Variants in DOCK9 observed in about 807,000 individuals in gnomAD.
DOCK9 encodes the protein dedicator of cytokinesis protein 9.
In DOCK9, 89 loss-of-function variants were observed where a neutral mutation model predicts 263.3. The observed-to-expected ratio is 0.34, with a 90% CI of 0.28 to 0.40. The LOEUF (loss-of-function observed/expected upper bound fraction) is 0.40. Among genes scored for constraint, DOCK9 ranks in the 10% least tolerant of loss-of-function variants. The pLI, the probability that DOCK9 is intolerant of heterozygous loss-of-function variation, is 1.00. For missense variants in DOCK9, 2,140 were observed against 2,603.4 expected (o/e 0.82, Z 3.87); for synonymous variants, 976 against 973.1 (o/e 1.00, Z -0.06).
At chr13:98,997,268 C>T (rs1881271878) in intron 1 of DOCK9, among the ~76,000 whole-genome samples, 1 of 152,208 alleles carries the variant, frequency 6.6e-6, no homozygotes, top group African/African-American at 2.4e-5. Flanking sequence ...CTGTGGATCA[C>T]CTCACTTTCC....
At chr13:98,830,080 G>C (rs2092700133) in intron 41 of DOCK9, among the ~76,000 whole-genome samples, 1 of 152,190 alleles carries the variant, frequency 6.6e-6, no homozygotes, top group Non-Finnish European at 1.5e-5. Context: ...AACCAAGAGG[G>C]AGACATGATT....
At position 98,825,729 on chromosome 13, in the gene DOCK9, C is replaced by T; in HGVS notation, c.5023+1101G>A. 1 of 522,338 alleles carries T rather than the reference C, an allele frequency of 1.9e-6. No individual in the cohort carries two copies. The highest frequency in any genetic ancestry group is 3.2e-6 in the Non-Finnish European group (1 of 312,472). The allele number at this position is 522,338 out of a possible 1,614,324, so 32.4% of individuals were successfully genotyped here. The stretch of plus-strand genomic sequence containing the variant: ...TTCCTCTTGTGCCCACAGGAATAGA[C>T]CAGCCAACCAGAGAGCCACAGAGTA... On this transcript the variant is annotated intron_variant, in intron 44 of 52. Transcript: ENST00000682017. This position sits in a 1 kb window ranked among gnomAD's most constrained non-coding sequence, Gnocchi z 4.1.
At chr13:98,951,649 A>T (rs2057424116) in intron 2 of DOCK9, among the ~76,000 whole-genome samples, 2 of 152,200 alleles carry the variant, frequency 1.3e-5, no homozygotes, top group Non-Finnish European at 2.9e-5. Context: ...GTGGGGGGAA[A>T]AGTTTCTGTG....
chr13:98,959,872 ACT>A (rs1363864587), intron 1 of DOCK9, among the ~76,000 whole-genome samples: 3 of 151,982 alleles, frequency 2.0e-5, no homozygotes, highest in African/African-American at 7.3e-5. Flanking sequence ...CCTATTTTCA[ACT>A]CTTTTTTAAA....
intron 37 of DOCK9, chr13:98,847,729 T>C (rs1205774361): frequency 6.6e-6 from 1 of 152,244 alleles, no homozygotes; most frequent in Non-Finnish European, 1.5e-5. Flanking sequence ...AATTACATTT[T>C]TAAGTTTTTC....
At chr13:99,023,219 C>T (rs1040229914) in intron 1 of DOCK9, among the ~76,000 whole-genome samples, 1 of 152,116 alleles carries the variant, frequency 6.6e-6, no homozygotes, top group Non-Finnish European at 1.5e-5. Flanking sequence ...AGCCAAGGGG[C>T]GAAAGCAACT....
chr13:98,941,341 G>A (rs550145723), intron 2 of DOCK9, among the ~76,000 whole-genome samples: 61 of 152,300 alleles, frequency 4.0e-4, no homozygotes, highest in Admixed American at 1.5e-3. Context: ...ATGAGACAGC[G>A]TCTCAGCAAC....
chr13:98,905,342 G>GGGA (rs1466959921), intron 9 of DOCK9, among the ~76,000 whole-genome samples: 8 of 152,178 alleles, frequency 5.3e-5, no homozygotes, highest in Non-Finnish European at 1.2e-4. Flanking sequence ...ACACCAGGTG[G>GGGA]GGAGAGAGCA....
At chr13:99,085,432 T>A (rs2042290085) in intron 1 of DOCK9, among the ~76,000 whole-genome samples, 1 of 152,150 alleles carries the variant, frequency 6.6e-6, no homozygotes, top group South Asian at 2.1e-4. Flanking sequence ...TTGTAGTGCG[T>A]TTCCAAATAC....
intron 1 of DOCK9, among the ~76,000 whole-genome samples, chr13:99,008,212 C>CTCTCTCTCTCTCTCTCTCTCTCTCTCTA (rs1433985064): frequency 1.3e-5 from 1 of 79,166 alleles, no homozygotes. Context: ...CTCTCTCTCT[C>CTCTCTCTCTCTCTCTCTCTCTCTCTCTA]TATATATATA....
intron 2 of DOCK9, among the ~76,000 whole-genome samples, chr13:98,932,508 A>G (rs2054132355): frequency 6.6e-6 from 1 of 152,360 alleles, no homozygotes; most frequent in Non-Finnish European, 1.5e-5. Context: ...TTAGCTCTTC[A>G]TGGCAAATGA....
chr13:98,849,190 C>T (rs1056008312), intron 36 of DOCK9, among the ~76,000 whole-genome samples: 4 of 152,010 alleles, frequency 2.6e-5, no homozygotes, highest in African/African-American at 9.7e-5. Context: ...TCTCGTTTCA[C>T]CACATAACTC....
At chr13:98,799,653 G>GA (rs969409549) in intron 50 of DOCK9, among the ~76,000 whole-genome samples, 5 of 152,086 alleles carry the variant, frequency 3.3e-5, no homozygotes, top group Non-Finnish European at 1.5e-5. Flanking sequence ...AGGTCATATG[G>GA]AAAAAATATA....
intron 1 of DOCK9, among the ~76,000 whole-genome samples, chr13:99,062,729 G>A (rs9513543): frequency 0.15 from 22,595 of 152,204 alleles, 2,399 homozygotes; most frequent in East Asian, 0.43. Context: ...GGTTACTCCT[G>A]CGAGGGAAAA....
chr13:98,869,832 G>T (rs1223095613), intron 27 of DOCK9, among the ~76,000 whole-genome samples: 1 of 152,248 alleles, frequency 6.6e-6, no homozygotes, highest in Non-Finnish European at 1.5e-5. Context: ...AAAAGGAGCC[G>T]CTGGCCTCCC....
chr13:98,941,628 C>T (rs2055866332), intron 2 of DOCK9, among the ~76,000 whole-genome samples: 2 of 152,140 alleles, frequency 1.3e-5, no homozygotes, highest in East Asian at 1.9e-4. Context: ...TTGCTAAGTA[C>T]TACTGCACAG....
chr13:98,963,402 A>C (rs879427442), intron 1 of DOCK9, among the ~76,000 whole-genome samples: 3 of 152,248 alleles, frequency 2.0e-5, no homozygotes, highest in Non-Finnish European at 4.4e-5. Flanking sequence ...GTTCGCCCAC[A>C]AACTGAGTTC....
At chr13:98,939,913 G>C (rs2140494082) in intron 2 of DOCK9, among the ~76,000 whole-genome samples, 1 of 152,260 alleles carries the variant, frequency 6.6e-6, no homozygotes, top group African/African-American at 2.4e-5. Context: ...ATGTCCCTTT[G>C]ATATCTGCTG....
chr13:98,948,352 C>G (rs947990226), intron 2 of DOCK9, among the ~76,000 whole-genome samples: 2 of 152,096 alleles, frequency 1.3e-5, no homozygotes, highest in Non-Finnish European at 2.9e-5. Context: ...GCACTCCTAT[C>G]CTTTCTTTTC....
Sources: allele counts gnomAD v4.1 joint callset (sites outside exome capture counted in the v4.1 genomes callset), GRCh38; gene constraint gnomAD v4.1.1; non-coding constraint Gnocchi (gnomAD v3.1); transcripts MANE v1.5; gene names NCBI Gene and HGNC (gene_info 2026-07-23, HGNC 2026-07-21).